The following NEK1 variants were observed in gnomAD, a reference collection of about 807,000 sequenced individuals.
NEK1 encodes the protein NIMA related kinase 1.
NEK1 carries 137 observed loss-of-function variants against 182.1 expected under a neutral mutation model. That is an observed-to-expected ratio of 0.75 (90% CI 0.65 to 0.87). The LOEUF (loss-of-function observed/expected upper bound fraction) is 0.87, where lower values mean the gene tolerates loss of function less well. NEK1 is among the 40% of genes least tolerant of loss of function. The probability of loss-of-function intolerance (pLI) is 0.00; values close to 1 mark genes in which losing one functional copy is unlikely to be tolerated. For synonymous variants in NEK1, 513 were observed against 492.2 expected, an observed-to-expected ratio of 1.04 and a Z score of -0.56; for missense variants, 1,391 against 1,494.4, an observed-to-expected ratio of 0.93 and a Z score of 1.14.
At chr4:169,405,048 G>A (rs752462206) in intron 32 of NEK1, among the ~76,000 whole-genome samples, 1 of 152,174 alleles carries the variant, frequency 6.6e-6, no homozygotes, top group Non-Finnish European at 1.5e-5. Context: ...ATCATATATG[G>A]CAAGAGGTAG....
chr4:169,559,568 T>C (rs1013090225), intron 16 of NEK1, among the ~76,000 whole-genome samples: 3 of 152,164 alleles, frequency 2.0e-5, no homozygotes, highest in African/African-American at 7.2e-5. Context: ...AGAATGTATA[T>C]GTCTAGATAA....
At chr4:169,576,858 G>T in intron 12 of NEK1, 70 bp downstream of exon 12, 1 of 1,359,102 alleles carries the variant, frequency 7.4e-7, no homozygotes, top group Non-Finnish European at 1.0e-6. Context: ...CAAGGTAACT[G>T]AATTGAGCTG....
intron 5 of NEK1, among the ~76,000 whole-genome samples, chr4:169,597,896 T>C (rs1450720581): frequency 1.3e-5 from 2 of 151,900 alleles, no homozygotes; most frequent in African/African-American, 4.8e-5. Flanking sequence ...ATTGTGCCAC[T>C]CCACTCGAGC....
intron 23 of NEK1, among the ~76,000 whole-genome samples, chr4:169,494,896 C>T (rs2149628597): frequency 1.3e-5 from 2 of 152,294 alleles, no homozygotes; most frequent in South Asian, 2.1e-4. Flanking sequence ...GAAATGTCTT[C>T]TTTTGAGAAG....
intron 35 of NEK1, among the ~76,000 whole-genome samples, chr4:169,396,394 A>AAAAAAAAAAAAAAAG (rs1561111795): frequency 3.4e-4 from 49 of 142,336 alleles, no homozygotes; most frequent in African/African-American, 1.2e-3. Context: ...AAAAAAAAAA[A>AAAAAAAAAAAAAAAG]AAGAAGAATC....
chr4:169,529,651 AG>A (rs1757389678), intron 19 of NEK1, among the ~76,000 whole-genome samples: 1 of 152,216 alleles, frequency 6.6e-6, no homozygotes, highest in Non-Finnish European at 1.5e-5. Flanking sequence ...GTTTCAGACT[AG>A]GAGAAAGTAT....
At chr4:169,542,847 T>C (rs1456953559) in intron 18 of NEK1, among the ~76,000 whole-genome samples, 1 of 152,166 alleles carries the variant, frequency 6.6e-6, no homozygotes, top group Non-Finnish European at 1.5e-5. Context: ...GATGGGGTTT[T>C]TTCTTGTAAA....
intron 27 of NEK1, among the ~76,000 whole-genome samples, chr4:169,440,171 A>T (rs1013345311): frequency 2.0e-5 from 3 of 151,728 alleles, no homozygotes; most frequent in Non-Finnish European, 2.9e-5. Flanking sequence ...AAAAATTCTT[A>T]AAACATAGCA....
intron 23 of NEK1, among the ~76,000 whole-genome samples, chr4:169,499,832 G>A (rs1752085415): frequency 6.6e-6 from 1 of 152,196 alleles, no homozygotes; most frequent in African/African-American, 2.4e-5. Flanking sequence ...CTCCCAGTTA[G>A]GCTACTCGGG....
intron 2 of NEK1, among the ~76,000 whole-genome samples, chr4:169,607,223 CAT>C (rs1402088725): frequency 1.3e-5 from 2 of 152,202 alleles, no homozygotes; most frequent in Admixed American, 6.5e-5. Flanking sequence ...TTACAAGATA[CAT>C]GTTTCAGAGT....
intron 23 of NEK1, among the ~76,000 whole-genome samples, chr4:169,491,066 C>A (rs1463419979): frequency 1.4e-5 from 2 of 142,072 alleles, no homozygotes; most frequent in Non-Finnish European, 3.0e-5. Context: ...TCGCTTGAAC[C>A]CAGGAGGTGG....
intron 10 of NEK1, among the ~76,000 whole-genome samples, chr4:169,581,764 C>CTGAAGAA (rs1766695868): frequency 6.6e-6 from 1 of 152,196 alleles, no homozygotes; most frequent in Non-Finnish European, 1.5e-5. Context: ...TTCAAAACTA[C>CTGAAGAA]TGAAGAATCT....
At chr4:169,400,827 T>C (rs1731546397) in intron 33 of NEK1, among the ~76,000 whole-genome samples, 176 bp from the exon 34 acceptor site, 1 of 151,904 alleles carries the variant, frequency 6.6e-6, no homozygotes, top group African/African-American at 2.4e-5. Context: ...AAAAAATGTA[T>C]AAATCTGTCT....
chr4:169,476,451 T>C (rs1294920179), intron 26 of NEK1, among the ~76,000 whole-genome samples: 3 of 152,132 alleles, frequency 2.0e-5, no homozygotes. Context: ...GTATTACATA[T>C]GGTAGGTACC....
intron 27 of NEK1, among the ~76,000 whole-genome samples, chr4:169,458,601 A>C (rs1379046416): frequency 6.6e-6 from 1 of 151,938 alleles, no homozygotes; most frequent in African/African-American, 2.4e-5. Flanking sequence ...AATGATGCAC[A>C]CTGGTGGTCC....
intron 31 of NEK1, among the ~76,000 whole-genome samples, chr4:169,417,564 C>T (rs1484709642): frequency 6.6e-6 from 1 of 152,134 alleles, no homozygotes; most frequent in East Asian, 1.9e-4. Flanking sequence ...TGAGTATCAT[C>T]AGCATATAAA....
intron 27 of NEK1, among the ~76,000 whole-genome samples, chr4:169,448,452 G>A (rs539828559): frequency 2.6e-5 from 4 of 151,724 alleles, no homozygotes; most frequent in South Asian, 2.1e-4. Context: ...CAACAGATAC[G>A]CAAAAAAATA....
intron 23 of NEK1, among the ~76,000 whole-genome samples, chr4:169,495,666 T>C (rs895132685): frequency 3.8e-4 from 58 of 152,374 alleles, no homozygotes; most frequent in Middle Eastern, 6.8e-3. Flanking sequence ...GGGAATCCTT[T>C]CCTCATTTTT....
At chr4:169,579,233 T>C (rs1162058385) in intron 11 of NEK1, among the ~76,000 whole-genome samples, 1 of 152,240 alleles carries the variant, frequency 6.6e-6, no homozygotes, top group Non-Finnish European at 1.5e-5. Context: ...ACTACTCCTA[T>C]TAAGCATTTC....
Sources: allele counts gnomAD v4.1 joint callset (sites outside exome capture counted in the v4.1 genomes callset), GRCh38; gene constraint gnomAD v4.1.1; transcripts MANE v1.5; gene names NCBI Gene and HGNC (gene_info 2026-07-23, HGNC 2026-07-21).